Variants in FAM135B observed in about 807,000 individuals in gnomAD.
The protein encoded by FAM135B is family with sequence similarity 135 member B.
Under a neutral mutation model 127.7 loss-of-function variants are expected in FAM135B, and 43 were observed. The observed-to-expected ratio is 0.34, with a 90% CI of 0.26 to 0.43. The LOEUF (loss-of-function observed/expected upper bound fraction) is 0.43. FAM135B is among the 20% of genes least tolerant of loss of function. FAM135B has a pLI of 1.00. For missense variants in FAM135B, 1,558 were observed against 1,725.6 expected (o/e 0.90, Z 1.72); for synonymous variants, 670 against 665.1 (o/e 1.01, Z -0.11).
intron 2 of FAM135B, among the ~76,000 whole-genome samples, chr8:138,313,076 T>A (rs928721340): frequency 6.6e-6 from 1 of 152,218 alleles, no homozygotes; most frequent in African/African-American, 2.4e-5. Context: ...AACTAGATTG[T>A]GGACTTAAAT....
chr8:138,314,785 T>C lies in FAM135B; in HGVS notation c.78-3865A>G, dbSNP rs531464162. 5.5e-5 allele frequency among the ~76,000 whole-genome samples: 8 copies of C among 145,260 alleles called. No individual in the cohort carries two copies. In the East Asian group the frequency reaches 1.4e-3, roughly 26 times the overall value. ...GTCTCAGTTACTTGAAGGGCTGAGGTGGGAAAATCACTTGAGAACAGGAGG... is the reference window on the plus strand; with the variant it reads ...GTCTCAGTTACTTGAAGGGCTGAGGCGGGAAAATCACTTGAGAACAGGAGG... On this transcript the variant is annotated intron_variant, in intron 2 of 19. Transcript: ENST00000395297.
intron 2 of FAM135B, among the ~76,000 whole-genome samples, chr8:138,325,217 A>C (rs1222972562): frequency 2.0e-5 from 3 of 152,186 alleles, no homozygotes; most frequent in Non-Finnish European, 4.4e-5. Context: ...ACATTTGTCC[A>C]ATCAAATTGT....
At chr8:138,481,420 CTGTT>C (rs768365508) in intron 1 of FAM135B, among the ~76,000 whole-genome samples, 18 of 152,218 alleles carry the variant, frequency 1.2e-4, no homozygotes, top group Non-Finnish European at 2.2e-4. Flanking sequence ...TTCAAATGCT[CTGTT>C]TGCATCCTTC....
At chr8:138,431,685 T>A (rs959386258) in intron 1 of FAM135B, among the ~76,000 whole-genome samples, 13 of 152,204 alleles carry the variant, frequency 8.5e-5, no homozygotes, top group Non-Finnish European at 1.6e-4. Flanking sequence ...TTATCCCCCA[T>A]AAATGAAGAT....
chr8:138,159,963 T>G (rs1819196438), intron 12 of FAM135B, among the ~76,000 whole-genome samples: 1 of 152,192 alleles, frequency 6.6e-6, no homozygotes, highest in South Asian at 2.1e-4. Context: ...GAAAGACCAA[T>G]CATGTGACTA....
At chr8:138,323,829 G>A (rs1827619309) in intron 2 of FAM135B, among the ~76,000 whole-genome samples, 1 of 152,132 alleles carries the variant, frequency 6.6e-6, no homozygotes, top group South Asian at 2.1e-4. Context: ...GCTTTGCCTT[G>A]CATAAGAGCC....
At chr8:138,491,144 A>AAAC (rs1305816809) in intron 1 of FAM135B, among the ~76,000 whole-genome samples, 1 of 143,638 alleles carries the variant, frequency 7.0e-6, no homozygotes, top group East Asian at 2.0e-4. Flanking sequence ...CTCTCTCTCA[A>AAAC]AAAAAAAAAA....
In FAM135B at chr8:138,372,807, G is replaced by C. The variant is rs75961104; in HGVS notation, c.-19-4805C>G. 1.7e-4 allele frequency among the ~76,000 whole-genome samples: 26 copies of C among 152,118 alleles called. No individual in the cohort carries two copies. In the East Asian group the frequency reaches 5.0e-3, roughly 29 times the overall value. The stretch of plus-strand genomic sequence containing the variant: ...TTTCACTCACTAAAAAAAAAATCTT[G>C]ATCAAGTGCCCCTTACTGACCTGCC... On this transcript the variant is annotated intron_variant, in intron 1 of 19. Transcript: ENST00000395297.
rs1821047221 is a variant in FAM135B at position 138,243,677 on chromosome 8, A to G, written c.543-609T>C. Among the ~76,000 whole-genome samples the G allele has an allele frequency of 6.6e-6, 1 of 152,228 alleles. No individual in the cohort carries two copies. The highest frequency in any genetic ancestry group is 6.5e-5 in the Admixed American group (1 of 15,280). On this transcript the variant is annotated intron_variant, in intron 6 of 19. Transcript: ENST00000395297. This position sits in a 1 kb window ranked among gnomAD's most constrained non-coding sequence, Gnocchi z 7.5. ...TCCAAAGATTAATGGACATATTGTG[A>G]TGGCAATGATCAATTTCAGGATCAA...
Position 138,336,142 on chromosome 8 carries a change from C to T in FAM135B, c.78-25222G>A, listed in dbSNP as rs529253171. ...GGAAATTTATAGCACTAAATGCCCA[C>T]AAGAGAAAGCAGGAAAGATCTAAAA... is the stretch of plus-strand genomic sequence containing the variant. On this transcript the variant is annotated intron_variant, in intron 2 of 19. Coordinates refer to ENST00000395297, the MANE Select transcript of FAM135B (RefSeq NM_015912.4). Among the ~76,000 whole-genome samples the T allele has an allele frequency of 8.8e-3, 1,330 of 151,962 alleles. 24 individuals carry two copies. The highest frequency in any genetic ancestry group is 0.031 in the African/African-American group (1,277 of 41,394).
At chr8:138,371,181 C>T (rs541930950) in intron 1 of FAM135B, among the ~76,000 whole-genome samples, 5 of 152,276 alleles carry the variant, frequency 3.3e-5, no homozygotes, top group Admixed American at 2.6e-4. Context: ...TCCCTCATTG[C>T]TAAGAGGTGA....
chr8:138,326,189 G>C (rs1827787984), intron 2 of FAM135B, among the ~76,000 whole-genome samples: 1 of 152,180 alleles, frequency 6.6e-6, no homozygotes, highest in Non-Finnish European at 1.5e-5. Context: ...AGTCAGCCCA[G>C]ATGGGGTTCT....
At chr8:138,469,021 G>T (rs1837531308) in intron 1 of FAM135B, among the ~76,000 whole-genome samples, 1 of 151,366 alleles carries the variant, frequency 6.6e-6, no homozygotes, top group Admixed American at 6.6e-5. Context: ...TCCAGCCTGG[G>T]CGACAGAACA....
chr8:138,422,167 C>A (rs1485841659), intron 1 of FAM135B, among the ~76,000 whole-genome samples: 1 of 151,980 alleles, frequency 6.6e-6, no homozygotes, highest in Non-Finnish European at 1.5e-5. Flanking sequence ...TCATAAAAAC[C>A]CTAGAAGAAA....
In FAM135B at chr8:138,342,568, G is replaced by C. The variant is rs557882883; in HGVS notation, c.77+25339C>G. Reference sequence around the variant, plus strand: ...CATATCCATGTAGACCCCTGGGAGAGAGGAGGATACCTGAGTTGACCATTG... The same window carrying C: ...CATATCCATGTAGACCCCTGGGAGACAGGAGGATACCTGAGTTGACCATTG... On this transcript the variant is annotated intron_variant, in intron 2 of 19. Transcript: ENST00000395297. Among the ~76,000 whole-genome samples, 5 of 152,338 alleles carry C rather than the reference G, an allele frequency of 3.3e-5. No homozygotes were observed. In the South Asian group the frequency reaches 1.0e-3, roughly 32 times the overall value.
At chr8:138,228,126 A>G (rs17719581) in intron 7 of FAM135B, among the ~76,000 whole-genome samples, 16,638 of 152,130 alleles carry the variant, frequency 0.11, 1,226 homozygotes, top group Non-Finnish European at 0.14. Context: ...AGGTTAAATG[A>G]TGAAATCAAG....
At chr8:138,224,315 G>A (rs1410104138) in intron 7 of FAM135B, among the ~76,000 whole-genome samples, 2 of 152,342 alleles carry the variant, frequency 1.3e-5, no homozygotes, top group Middle Eastern at 3.4e-3. Flanking sequence ...GTGTCCAGCT[G>A]AGATGGAACA....
At chr8:138,147,577 C>G (rs1459234368) in intron 14 of FAM135B, among the ~76,000 whole-genome samples, 1 of 152,096 alleles carries the variant, frequency 6.6e-6, no homozygotes, top group African/African-American at 2.4e-5. Context: ...CAAGTGGATC[C>G]TGAAAATTCT....
intron 2 of FAM135B, 95 bp downstream of exon 2, chr8:138,367,812 A>G: frequency 1.0e-6 from 1 of 954,280 alleles, no homozygotes; most frequent in Non-Finnish European, 1.6e-6. Context: ...CAAATTTCCT[A>G]TAATCTGACT....
Sources: gnomAD v4.1 joint callset for allele counts (sites outside exome capture counted in the v4.1 genomes callset) on GRCh38, gnomAD v4.1.1 for gene constraint, Gnocchi (gnomAD v3.1) non-coding constraint, MANE v1.5 for transcripts, NCBI Gene and HGNC (gene_info 2026-07-23, HGNC 2026-07-21) for gene names.